The following PRKACA variants were observed in gnomAD, a reference collection of about 807,000 sequenced individuals.
PRKACA encodes cAMP-dependent protein kinase catalytic subunit alpha.
PRKACA carries 9 observed loss-of-function variants against 45.8 expected under a neutral mutation model. That is an observed-to-expected ratio of 0.20 (90% CI 0.12 to 0.34). PRKACA has a LOEUF of 0.34. PRKACA is among the 10% of genes least tolerant of loss of function. PRKACA has a pLI of 1.00. For missense variants in PRKACA, 238 were observed against 458.6 expected (o/e 0.52, Z 4.39); for synonymous variants, 160 against 178.6 (o/e 0.90, Z 0.83).
chr19:14,102,926 A>G lies in PRKACA; in HGVS notation c.238-12T>C, dbSNP rs754003689. 1.3e-6 allele frequency: 2 copies of G among 1,599,332 alleles called. No individual in the cohort carries two copies. Among genetic ancestry groups the G allele is most frequent in the African/African-American group, 2.7e-5 (2 of 74,602 alleles). On this transcript the variant is annotated splice_polypyrimidine_tract_variant and intron_variant, in intron 3 of 9. Transcript: ENST00000308677. ...TTCAGTTTCACCACCTGGGAAGGGA[A>G]GGAGGGGAGGGCAGAAAGGAGGGGG... is the stretch of plus-strand genomic sequence containing the variant.
chr19:14,093,385 C>A, intron 9 of PRKACA, 148 bp from the exon 10 acceptor site: 1 of 1,186,884 alleles, frequency 8.4e-7, no homozygotes. Flanking sequence ...CTTAACAGCC[C>A]GAAACTCTTA....
At chr19:14,102,039 C>T (rs1253830112) in intron 4 of PRKACA, among the ~76,000 whole-genome samples, 1 of 151,668 alleles carries the variant, frequency 6.6e-6, no homozygotes, top group Admixed American at 6.6e-5. Flanking sequence ...TGGTGGGCAC[C>T]TGTAATCCCC....
At chr19:14,095,389 T>C (rs1977214761) in intron 8 of PRKACA, among the ~76,000 whole-genome samples, 1 of 152,114 alleles carries the variant, frequency 6.6e-6, no homozygotes, top group Non-Finnish European at 1.5e-5. Flanking sequence ...CAGGCTGGTC[T>C]TAAACTCCTG....
rs932241264 is a variant in PRKACA, at chr19:14,092,966, C to T, written c.*146G>A. The stretch of plus-strand genomic sequence containing the variant: ...CCTCTGATTATCTGGGCTTCCTGCT[C>T]CCCCTAACCCTGGAGGGTGGGGTGG... On this transcript the variant is annotated 3_prime_UTR_variant, in exon 10 of 10. Transcript: ENST00000308677. 18 of 1,053,654 alleles carry T rather than the reference C, an allele frequency of 1.7e-5. No homozygotes were observed. The highest frequency in any genetic ancestry group is 2.4e-5 in the Non-Finnish European group (18 of 764,034). The allele number at this position is 1,053,654 out of a possible 1,614,324, so 65.3% of individuals were successfully genotyped here.
At position 14,093,042 on chromosome 19, in the gene PRKACA, A is replaced by AGG; in HGVS notation, c.*69_*70insCC. On this transcript the variant is annotated 3_prime_UTR_variant, in exon 10 of 10. Transcript: ENST00000308677. ...TGGGGCCCTCTGGCTGTTCAATCCA[A>AGG]CCCTCCCACCCCCCCGACCAAAAAA... 6 of 179,796 alleles carry AGG rather than the reference A, an allele frequency of 3.3e-5. No homozygotes were observed. Among genetic ancestry groups the AGG allele is most frequent in the Non-Finnish European group, 4.4e-5 (4 of 90,680 alleles). The allele number at this position is 179,796 out of a possible 1,614,324, so 11.1% of individuals were successfully genotyped here. A position where few individuals can be genotyped will look rare whatever the true frequency, so the allele number is the denominator to read the frequency against.
In PRKACA at chr19:14,114,173, AGGG is replaced by A. The variant is rs1599351847; in HGVS notation, c.46+3326_46+3328del. 4 of 1,609,960 alleles carry A rather than the reference AGGG, an allele frequency of 2.5e-6. No homozygotes were observed. In the East Asian group the frequency reaches 8.9e-5, roughly 36 times the overall value. ...GAAGCCATCACTCAGTCCTGTTCTC[AGGG>A]CACCGGCACTACGGTGGCTGGGAAG... On this transcript the variant is annotated intron_variant, in intron 1 of 9. Transcript: ENST00000308677.
At chr19:14,104,746 G>C (rs953262818) in intron 3 of PRKACA, among the ~76,000 whole-genome samples, 1 of 151,246 alleles carries the variant, frequency 6.6e-6, no homozygotes, top group Admixed American at 6.6e-5. Context: ...GGTAGCCGGC[G>C]CCTGTAATTC....
At chr19:14,110,467 G>T (rs913337156) in intron 1 of PRKACA, among the ~76,000 whole-genome samples, 1 of 151,978 alleles carries the variant, frequency 6.6e-6, no homozygotes, top group African/African-American at 2.4e-5. Flanking sequence ...AGCTACTCAG[G>T]AGGCAGAGGT....
chr19:14,095,261 C>T (rs1327812540), intron 8 of PRKACA, among the ~76,000 whole-genome samples: 3 of 151,224 alleles, frequency 2.0e-5, no homozygotes, highest in African/African-American at 7.3e-5. Context: ...ACCTCTGCCT[C>T]CCGGTTTCAA....
chr19:14,109,864 G>A (rs1977719899), intron 1 of PRKACA, among the ~76,000 whole-genome samples: 1 of 138,112 alleles, frequency 7.2e-6, no homozygotes, highest in African/African-American at 2.7e-5. Flanking sequence ...CTTGAACTTG[G>A]GAGGCAGAGG....
At position 14,097,223 on chromosome 19, in the gene PRKACA, G is replaced by T. The variant is rs748816555; in HGVS notation, c.765+138C>A. ...GTGTTGGCCTCAGTGTGGCCGGCGC[G>T]TCCAGCTTCACCACCTGGCCTGACT... is the stretch of plus-strand genomic sequence containing the variant. On this transcript the variant is annotated intron_variant, in intron 8 of 9. Coordinates refer to ENST00000308677, the MANE Select transcript of PRKACA (RefSeq NM_002730.4). This position sits in a 1 kb window ranked among gnomAD's most constrained non-coding sequence, Gnocchi z 5.4. 2.9e-6 allele frequency: 4 copies of T among 1,386,210 alleles called. No homozygotes were observed. Among genetic ancestry groups the T allele is most frequent in the East Asian group, 2.4e-5 (1 of 41,222 alleles). 85.9% of individuals were successfully genotyped at this position (1,386,210 alleles called of 1,614,324 possible).
chr19:14,106,734 C>T, intron 3 of PRKACA, 26 bp downstream of exon 3: 1 of 1,613,580 alleles, frequency 6.2e-7, no homozygotes, highest in Non-Finnish European at 8.5e-7. Flanking sequence ...GACAGGCAGG[C>T]CCTGAGCGAG....
intron 2 of PRKACA, 96 bp from the exon 3 acceptor site, chr19:14,106,984 C>A: frequency 6.6e-7 from 1 of 1,508,772 alleles, no homozygotes; most frequent in Non-Finnish European, 8.9e-7. Context: ...GCAGAGGGGG[C>A]CCCGGGGAGC....
chr19:14,117,611 C>T lies in PRKACA; in HGVS notation c.-64G>A. On this transcript the variant is annotated 5_prime_UTR_variant, in exon 1 of 10. Coordinates refer to ENST00000308677, the MANE Select transcript of PRKACA (RefSeq NM_002730.4). The stretch of plus-strand genomic sequence containing the variant: ...CGCGGCGGGTGCTGGCTGCGGCCGG[C>T]GGCCCCGGAGCGCGCTGGGCGGCGG... 1.1e-6 allele frequency: 1 copy of T among 944,862 alleles called. No homozygotes were observed. The highest frequency in any genetic ancestry group is 1.2e-4 in the East Asian group (1 of 8,552). 58.5% of individuals were successfully genotyped at this position (944,862 alleles called of 1,614,324 possible). A position where few individuals can be genotyped will look rare whatever the true frequency, so the allele number is the denominator to read the frequency against.
intron 1 of PRKACA, among the ~76,000 whole-genome samples, chr19:14,109,958 AAAAAAAAATATATATAT>A (rs1347135804): frequency 1.2e-5 from 1 of 81,362 alleles, no homozygotes; most frequent in Non-Finnish European, 2.3e-5. Flanking sequence ...AAAAAAAAAA[AAAAAAAAATATATATAT>A]ATATATATAT....
At position 14,091,856 on chromosome 19, in the gene PRKACA, TGA is replaced by T. The variant is rs1301727045; in HGVS notation, c.*1254_*1255del. The stretch of plus-strand genomic sequence containing the variant: ...CTCCTCCTGGGATGGGGAGAAGTTA[TGA>T]GAGGGGGAAATACGGGGATGAATGG... On this transcript the variant is annotated 3_prime_UTR_variant, in exon 10 of 10. Coordinates refer to ENST00000308677, the MANE Select transcript of PRKACA (RefSeq NM_002730.4). The T allele has an allele frequency of 1.3e-5, 2 of 152,276 alleles. No individual in the cohort carries two copies. The highest frequency in any genetic ancestry group is 2.4e-5 in the African/African-American group (1 of 41,408). 9.4% of individuals were successfully genotyped at this position (152,276 alleles called of 1,614,324 possible).
intron 1 of PRKACA, among the ~76,000 whole-genome samples, chr19:14,115,351 T>C (rs1190059023): frequency 6.6e-6 from 1 of 152,148 alleles, no homozygotes; most frequent in Non-Finnish European, 1.5e-5. Context: ...ATTAAGAAAA[T>C]ATGATAGAGT....
In PRKACA at chr19:14,117,528, G is replaced by A; in HGVS notation, c.20C>T (p.Ala7Val). 1 of 1,225,664 alleles carries A rather than the reference G, an allele frequency of 8.2e-7. No individual in the cohort carries two copies. The allele number at this position is 1,225,664 out of a possible 1,614,324, so 75.9% of individuals were successfully genotyped here. Residue 7 changes from alanine (A) to valine (V), a missense_variant, in exon 1 of 10, where the codon GCC becomes GTC. Coordinates refer to ENST00000308677, the MANE Select transcript of PRKACA (RefSeq NM_002730.4). MGNAAA[A>V]KKGSEQESVK... ...GCTCTCCTGCTCGCTGCCCTTCTTG[G>A]CGGCGGCGGCGTTGCCCATCGCGGC...
At chr19:14,109,586 C>T (rs1046020626) in intron 1 of PRKACA, among the ~76,000 whole-genome samples, 4 of 151,140 alleles carry the variant, frequency 2.6e-5, no homozygotes, top group Admixed American at 6.6e-5. Flanking sequence ...CCACTGCACT[C>T]CAGCCTGGGT....
Sources: allele counts gnomAD v4.1 joint callset (sites outside exome capture counted in the v4.1 genomes callset), GRCh38; gene constraint gnomAD v4.1.1; non-coding constraint Gnocchi (gnomAD v3.1); transcripts MANE v1.5; gene names NCBI Gene and HGNC (gene_info 2026-07-23, HGNC 2026-07-21).